ZNF154: variants seen among roughly 807,000 people sequenced by gnomAD.
ZNF154 encodes zinc finger protein 154.
A neutral mutation model predicts 7.5 loss-of-function variants in ZNF154; 6 were observed. The observed-to-expected ratio is 0.80, with a 90% confidence interval of 0.44 to 1.57. The LOEUF is 1.57. Among genes scored for constraint, ZNF154 ranks in the 40% most tolerant of loss-of-function variants. The pLI is 0.01. For missense variants in ZNF154, 485 were observed against 531.4 expected (o/e 0.91, Z 0.86); for synonymous variants, 187 against 185.9 (o/e 1.01, Z -0.05).
rs1985073644 is a variant in ZNF154 at position 57,700,363 on chromosome 19, C to A, written c.*1272G>T. 6.6e-6 allele frequency: 1 copy of A among 152,194 alleles called. No homozygotes were observed. The highest frequency in any genetic ancestry group is 2.4e-5 in the African/African-American group (1 of 41,436). 9.4% of individuals were successfully genotyped at this position (152,194 alleles called of 1,614,324 possible). A position where few individuals can be genotyped will look rare whatever the true frequency, so the allele number is the denominator to read the frequency against. ...ACAATGACCTCAGCTACACAAGATA[C>A]ACAATTCTGTAGGTCCTGAGGATTT... On this transcript the variant is annotated 3_prime_UTR_variant, in exon 3 of 3. Coordinates refer to ENST00000684351, the MANE Select transcript of ZNF154 (RefSeq NM_001085384.3).
chr19:57,701,822 T>C lies in ZNF154; in HGVS notation c.1127A>G (p.Gln376Arg). 1 of 1,613,956 alleles carries C rather than the reference T, an allele frequency of 6.2e-7. No individual in the cohort carries two copies. The highest frequency in any genetic ancestry group is 8.5e-7 in the Non-Finnish European group (1 of 1,179,970). The change falls in exon 3 of 3, where the codon CAG becomes CGG. Residue 376 changes from glutamine (Q) to arginine (R), a missense_variant. By Grantham distance (43) the Gln-to-Arg change is conservative. Coordinates refer to ENST00000684351, the MANE Select transcript of ZNF154 (RefSeq NM_001085384.3). ...GGGTCTTGATCCAGTGTGAACTCTC[T>C]GGTGTTTTCGGAGACTGGAGCTGTA... Reference protein sequence around the residue: ...FPYSSSLRKHQRVHTGSRPYE... With the variant: ...FPYSSSLRKHRRVHTGSRPYE...
At chr19:57,708,045 G>T (rs1255053418) in intron 1 of ZNF154, among the ~76,000 whole-genome samples, 1 of 152,140 alleles carries the variant, frequency 6.6e-6, no homozygotes, top group African/African-American at 2.4e-5. Flanking sequence ...CTACAACTGG[G>T]AGAACCAGGG....
chr19:57,708,187 G>GA (rs1413114008), intron 1 of ZNF154, among the ~76,000 whole-genome samples: 1 of 152,088 alleles, frequency 6.6e-6, no homozygotes, highest in African/African-American at 2.4e-5. Flanking sequence ...GTAGGGCAAT[G>GA]AAAAAAAGAT....
At position 57,701,799 on chromosome 19, in the gene ZNF154, G is replaced by C. The variant is rs1275093602; in HGVS notation, c.1150C>G (p.Pro384Ala). 8.7e-6 allele frequency: 14 copies of C among 1,614,104 alleles called. No homozygotes were observed. Among genetic ancestry groups the C allele is most frequent in the Non-Finnish European group, 1.0e-5 (12 of 1,180,012 alleles). The change falls in exon 3 of 3, where the codon CCC (proline) becomes GCC (alanine). Residue 384 changes from proline to alanine, a missense_variant. Physicochemically the swap from Pro to Ala is conservative, Grantham distance 27. Coordinates refer to ENST00000684351, the MANE Select transcript of ZNF154 (RefSeq NM_001085384.3). ...TTCCCACATTCACTGCACTCATAGG[G>C]TCTTGATCCAGTGTGAACTCTCTGG... ...KHQRVHTGSR[P>A]YECSECGKSF...
intron 1 of ZNF154, among the ~76,000 whole-genome samples, chr19:57,705,896 T>C (rs1053641329): frequency 1.2e-4 from 19 of 152,102 alleles, no homozygotes; most frequent in Non-Finnish European, 2.6e-4. Flanking sequence ...AACTGTGGGA[T>C]GCAAGCACTT....
Position 57,699,428 on chromosome 19 carries a change from G to A in ZNF154, c.*2207C>T. On this transcript the variant is annotated 3_prime_UTR_variant, in exon 3 of 3. Coordinates refer to ENST00000684351, the MANE Select transcript of ZNF154 (RefSeq NM_001085384.3). The stretch of plus-strand genomic sequence containing the variant: ...GTTCCCAATGGGTCGTAAAGCAGCA[G>A]AGACAACTCACGATATAAACACATT... 3.2e-6 allele frequency: 1 copy of A among 312,328 alleles called. No homozygotes were observed. The highest frequency in any genetic ancestry group is 2.2e-5 in the African/African-American group (1 of 46,308). The allele number at this position is 312,328 out of a possible 1,614,324, so 19.3% of individuals were successfully genotyped here. A position where few individuals can be genotyped will look rare whatever the true frequency, so the allele number is the denominator to read the frequency against.
At chr19:57,708,022 T>C (rs1985461570) in intron 1 of ZNF154, among the ~76,000 whole-genome samples, 1 of 152,074 alleles carries the variant, frequency 6.6e-6, no homozygotes, top group Admixed American at 6.6e-5. Context: ...CTATGTGAGT[T>C]CCATACGCCC....
intron 1 of ZNF154, among the ~76,000 whole-genome samples, chr19:57,705,537 C>T (rs573463585): frequency 2.6e-5 from 4 of 152,152 alleles, no homozygotes; most frequent in East Asian, 1.9e-4. Flanking sequence ...GGGTGGATCA[C>T]GAGGTCAGGA....
In ZNF154 at chr19:57,698,458, A is replaced by C. The variant is rs538013590; in HGVS notation, c.*3177T>G. 1 of 152,322 alleles carries C rather than the reference A, an allele frequency of 6.6e-6. No homozygotes were observed. The highest frequency in any genetic ancestry group is 2.1e-4 in the South Asian group (1 of 4,826). The allele number at this position is 152,322 out of a possible 1,614,324, so 9.4% of individuals were successfully genotyped here. ...TAGAAACAGAATATATTAGGATGCT[A>C]TCAGCAACTCTTCCCAATTCTACAT... On this transcript the variant is annotated 3_prime_UTR_variant, in exon 3 of 3. Coordinates refer to ENST00000684351, the MANE Select transcript of ZNF154 (RefSeq NM_001085384.3).
intron 2 of ZNF154, 59 bp downstream of exon 2, chr19:57,704,794 G>C: frequency 6.4e-7 from 1 of 1,574,314 alleles, no homozygotes; most frequent in Non-Finnish European, 8.6e-7. Flanking sequence ...CCTGCCTATA[G>C]AGAAAAGAGG....
chr19:57,698,642 G>A lies in ZNF154; in HGVS notation c.*2993C>T, dbSNP rs1295825131. On this transcript the variant is annotated 3_prime_UTR_variant, in exon 3 of 3. Coordinates refer to ENST00000684351, the MANE Select transcript of ZNF154 (RefSeq NM_001085384.3). Reference sequence around the variant, plus strand: ...GCAAAAGTAATTGCCGTTTTTGCATGTTGGATTTTGCCATTTTATATTGGA... The same window carrying A: ...GCAAAAGTAATTGCCGTTTTTGCATATTGGATTTTGCCATTTTATATTGGA... 6.6e-6 allele frequency: 1 copy of A among 152,152 alleles called. No individual in the cohort carries two copies. The highest frequency in any genetic ancestry group is 1.5e-5 in the Non-Finnish European group (1 of 68,028). The allele number at this position is 152,152 out of a possible 1,614,324, so 9.4% of individuals were successfully genotyped here.
At chr19:57,708,865 C>T in intron 1 of ZNF154, 74 bp downstream of exon 1, 4 of 1,531,688 alleles carry the variant, frequency 2.6e-6, no homozygotes, top group Non-Finnish European at 3.5e-6. Context: ...GGGACTCGAG[C>T]AGGCGCCCCT....
In ZNF154 at chr19:57,709,077, T is replaced by G; in HGVS notation, c.-106A>C. 15 of 1,488,614 alleles carry G rather than the reference T, an allele frequency of 1.0e-5. No homozygotes were observed. Among genetic ancestry groups the G allele is most frequent in the Non-Finnish European group, 1.4e-5 (15 of 1,093,914 alleles). 92.2% of individuals were successfully genotyped at this position (1,488,614 alleles called of 1,614,324 possible). On this transcript the variant is annotated 5_prime_UTR_variant, in exon 1 of 3. Coordinates refer to ENST00000684351, the MANE Select transcript of ZNF154 (RefSeq NM_001085384.3). ...CTGACGTGGGTCCCCCAGGGCGGCG[T>G]CGCCAAGGCTTAGACGCTTTCGTGC...
chr19:57,701,265 G>A lies in ZNF154; in HGVS notation c.*370C>T, dbSNP rs1317744280. The A allele has an allele frequency of 8.3e-6, 2 of 240,152 alleles. No homozygotes were observed. The highest frequency in any genetic ancestry group is 5.0e-5 in the Admixed American group (1 of 19,922). The allele number at this position is 240,152 out of a possible 1,614,324, so 14.9% of individuals were successfully genotyped here. On this transcript the variant is annotated 3_prime_UTR_variant, in exon 3 of 3. Transcript: ENST00000684351. Reference sequence around the variant, plus strand: ...GAATACACTGGGATGGGTGAGTGGTGCACACTGGTGGTCACCTGCCAGGCA... The same window carrying A: ...GAATACACTGGGATGGGTGAGTGGTACACACTGGTGGTCACCTGCCAGGCA...
intron 1 of ZNF154, among the ~76,000 whole-genome samples, chr19:57,707,780 C>T (rs1290297453): frequency 6.6e-6 from 1 of 152,188 alleles, no homozygotes; most frequent in Non-Finnish European, 1.5e-5. Context: ...CTTGCGCCTC[C>T]TGATACCAGT....
chr19:57,707,990 G>A (rs1985459367), intron 1 of ZNF154, among the ~76,000 whole-genome samples: 1 of 152,074 alleles, frequency 6.6e-6, no homozygotes, highest in Non-Finnish European at 1.5e-5. Flanking sequence ...GGCTACTGAG[G>A]GACCGAACAC....
Position 57,702,062 on chromosome 19 carries a change from CTG to C in ZNF154, c.885_886del (p.His295GlnfsTer7). ...GCTGCACTCATAAGGCCTGGATCCA[CTG>C]TGAACTTTCTGGTGTTTTATGAGAC... On this transcript the variant is annotated frameshift_variant, in exon 3 of 3. Coordinates refer to ENST00000684351, the MANE Select transcript of ZNF154 (RefSeq NM_001085384.3). LOFTEE classifies it low-confidence loss of function (END_TRUNC). 1 of 1,612,414 alleles carries C rather than the reference CTG, an allele frequency of 6.2e-7. No individual in the cohort carries two copies. Among genetic ancestry groups the C allele is most frequent in the Non-Finnish European group, 8.5e-7 (1 of 1,179,790 alleles).
intron 1 of ZNF154, among the ~76,000 whole-genome samples, chr19:57,707,096 A>G (rs558957421): frequency 6.9e-5 from 10 of 144,468 alleles, no homozygotes; most frequent in South Asian, 4.3e-4. Context: ...CTGGGCAACA[A>G]GAGAGACACT....
In ZNF154 at chr19:57,709,167, C is replaced by G. The variant is rs1356256019; in HGVS notation, c.-196G>C. 4 of 668,904 alleles carry G rather than the reference C, an allele frequency of 6.0e-6. No individual in the cohort carries two copies. The highest frequency in any genetic ancestry group is 1.0e-5 in the Non-Finnish European group (4 of 392,436). The allele number at this position is 668,904 out of a possible 1,614,324, so 41.4% of individuals were successfully genotyped here. On this transcript the variant is annotated 5_prime_UTR_variant, in exon 1 of 3. Transcript: ENST00000684351. ...ACTCGGCGCTCTGCTATCTCTGATC[C>G]GGTGAACACACCTCAGAGAAGCTAA...
Sources: allele counts gnomAD v4.1 joint callset (sites outside exome capture counted in the v4.1 genomes callset), GRCh38; gene constraint gnomAD v4.1.1; transcripts MANE v1.5; gene names NCBI Gene and HGNC (gene_info 2026-07-23, HGNC 2026-07-21).